CMKLR1: variants seen among roughly 807,000 people sequenced by gnomAD.
CMKLR1 encodes chemerin chemokine-like receptor 1.
Under a neutral mutation model 8.2 loss-of-function variants are expected in CMKLR1, and 6 were observed. The observed-to-expected ratio is 0.73, with a 90% CI of 0.40 to 1.44. The LOEUF is 1.44. Among genes scored for constraint, CMKLR1 ranks in the 40% most tolerant of loss-of-function variants. CMKLR1 has a pLI of 0.02. For missense variants in CMKLR1, 429 were observed against 478.0 expected (o/e 0.90, Z 0.96); for synonymous variants, 178 against 181.2 (o/e 0.98, Z 0.14).
chr12:108,298,754 G>C (rs1436324099), intron 2 of CMKLR1, among the ~76,000 whole-genome samples: 3 of 152,210 alleles, frequency 2.0e-5, no homozygotes, highest in African/African-American at 7.2e-5. Context: ...GAACCCAGGG[G>C]AAGCCCATTC....
chr12:108,311,627 T>TA (rs1239182413), intron 2 of CMKLR1, among the ~76,000 whole-genome samples: 1 of 151,728 alleles, frequency 6.6e-6, no homozygotes, highest in Non-Finnish European at 1.5e-5. Context: ...CTTTGCCTCC[T>TA]AAAAAGAAAA....
chr12:108,306,453 A>T (rs949419331), intron 2 of CMKLR1, among the ~76,000 whole-genome samples: 1 of 151,696 alleles, frequency 6.6e-6, no homozygotes, highest in Non-Finnish European at 1.5e-5. Flanking sequence ...GACTCTCCAC[A>T]CTTTCCCCTC....
intron 2 of CMKLR1, among the ~76,000 whole-genome samples, chr12:108,325,511 T>C (rs1375919095): frequency 2.6e-5 from 4 of 152,154 alleles, no homozygotes; most frequent in Admixed American, 6.5e-5. Context: ...TAGCTGGCTG[T>C]GGCAAATACC....
intron 2 of CMKLR1, among the ~76,000 whole-genome samples, chr12:108,310,177 G>C (rs1891514939): frequency 6.6e-6 from 1 of 151,606 alleles, no homozygotes; most frequent in Non-Finnish European, 1.5e-5. Flanking sequence ...GTGTGTGTGT[G>C]TGTGTGTGTG....
intron 2 of CMKLR1, among the ~76,000 whole-genome samples, chr12:108,305,451 G>A (rs141785431): frequency 6.6e-6 from 1 of 152,184 alleles, no homozygotes; most frequent in Non-Finnish European, 1.5e-5. Flanking sequence ...TCTCTCCTGA[G>A]CAGCATACCA....
intron 2 of CMKLR1, among the ~76,000 whole-genome samples, chr12:108,324,676 A>G (rs1891941414): frequency 6.6e-6 from 1 of 152,238 alleles, no homozygotes; most frequent in African/African-American, 2.4e-5. Context: ...AATTGTATGC[A>G]GTTTAAAAAT....
rs542019020 is a variant in CMKLR1, at chr12:108,290,717, T to G, written c.*1124A>C. 6.6e-6 allele frequency: 1 copy of G among 152,064 alleles called. No homozygotes were observed. The highest frequency in any genetic ancestry group is 1.5e-5 in the Non-Finnish European group (1 of 68,016). 9.4% of individuals were successfully genotyped at this position (152,064 alleles called of 1,614,324 possible). A position where few individuals can be genotyped will look rare whatever the true frequency, so the allele number is the denominator to read the frequency against. On this transcript the variant is annotated 3_prime_UTR_variant, in exon 4 of 4. Coordinates refer to ENST00000550402, the MANE Select transcript of CMKLR1 (RefSeq NM_001142343.2). ...ATGCCAGGCACCTGTATCCAGGAGG[T>G]ATTTGGTGTCTGCAGCTCAGAAACA...
intron 2 of CMKLR1, among the ~76,000 whole-genome samples, chr12:108,301,267 G>A (rs958339352): frequency 1.3e-5 from 2 of 151,852 alleles, no homozygotes; most frequent in East Asian, 3.9e-4. Flanking sequence ...AGTAGAGATG[G>A]AGTTTCACCA....
intron 2 of CMKLR1, among the ~76,000 whole-genome samples, chr12:108,295,938 C>T (rs920953984): frequency 5.3e-5 from 8 of 152,208 alleles, no homozygotes; most frequent in Non-Finnish European, 1.2e-4. Context: ...CAGAATGATG[C>T]TGACATCCTC....
chr12:108,313,279 C>A (rs576831233), intron 2 of CMKLR1, among the ~76,000 whole-genome samples: 1 of 151,778 alleles, frequency 6.6e-6, no homozygotes, highest in East Asian at 1.9e-4. Flanking sequence ...CCCCACCCCA[C>A]CTTCCATGGA....
intron 2 of CMKLR1, among the ~76,000 whole-genome samples, chr12:108,304,270 T>C (rs962282916): frequency 6.6e-6 from 1 of 152,118 alleles, no homozygotes; most frequent in African/African-American, 2.4e-5. Flanking sequence ...GAGTTCTCCT[T>C]GCCATTACCA....
chr12:108,297,330 C>A (rs1292597071), intron 2 of CMKLR1, among the ~76,000 whole-genome samples: 1 of 152,112 alleles, frequency 6.6e-6, no homozygotes, highest in African/African-American at 2.4e-5. Flanking sequence ...GAATATAATA[C>A]ATATAACATA....
At position 108,292,147 on chromosome 12, in the gene CMKLR1, G is replaced by A. The variant is rs181477871; in HGVS notation, c.816C>T (p.Cys272=). ...GGTTGAGTGTGTGGTAGGGGCACCA[G>A]CAGAGGAAGAAGGTAATGATGATGG... ...IVTIIITFFL[C]WCPYHTLNLL... The change falls in exon 4 of 4, where the codon TGC becomes TGT. Residue 272 remains cysteine (C), a synonymous_variant. Transcript: ENST00000550402. The A allele has an allele frequency of 4.6e-5, 74 of 1,614,210 alleles. No individual in the cohort carries two copies. The highest frequency in any genetic ancestry group is 6.0e-5 in the Non-Finnish European group (71 of 1,180,038).
intron 1 of CMKLR1, among the ~76,000 whole-genome samples, chr12:108,336,845 T>C (rs937177576): frequency 1.3e-5 from 2 of 152,240 alleles, no homozygotes; most frequent in Admixed American, 1.3e-4. Context: ...TAGCTAATGT[T>C]TATAGAGACC....
At chr12:108,294,064 C>T (rs1891062330) in intron 2 of CMKLR1, among the ~76,000 whole-genome samples, 1 of 152,224 alleles carries the variant, frequency 6.6e-6, no homozygotes, top group Admixed American at 6.5e-5. Context: ...GAAGTGTGAG[C>T]ACAGAGAAAA....
intron 2 of CMKLR1, among the ~76,000 whole-genome samples, chr12:108,310,163 CTG>C (rs35140046): frequency 0.091 from 12,864 of 141,908 alleles, 608 homozygotes; most frequent in African/African-American, 0.14. Flanking sequence ...TGGTTAGGGG[CTG>C]TGTGTGTGTG....
rs1367509958 is a variant in CMKLR1 at position 108,291,869 on chromosome 12, A to G, written c.1094T>C (p.Met365Thr). 2 of 1,613,790 alleles carry G rather than the reference A, an allele frequency of 1.2e-6. No individual in the cohort carries two copies. Among genetic ancestry groups the G allele is most frequent in the Non-Finnish European group, 1.7e-6 (2 of 1,179,898 alleles). The change falls in exon 4 of 4, where the codon ATG (methionine) becomes ACG (threonine). Residue 365 changes from methionine (M) to threonine (T), a missense_variant. Coordinates refer to ENST00000550402, the MANE Select transcript of CMKLR1 (RefSeq NM_001142343.2). Reference sequence around the variant, plus strand: ...AAGCATGCCGGTCTCCCTCTCATTCATAGAAGTCCTCTCATTCATTGATGA... The same window carrying G: ...AAGCATGCCGGTCTCCCTCTCATTCGTAGAAGTCCTCTCATTCATTGATGA... ...KMSSMNERTS[M>T]NERETGML is the part of the protein sequence containing the mutation.
intron 2 of CMKLR1, among the ~76,000 whole-genome samples, chr12:108,299,610 G>A (rs187365827): frequency 2.2e-4 from 33 of 152,236 alleles, no homozygotes; most frequent in African/African-American, 6.7e-4. Flanking sequence ...GAGATCATCC[G>A]GGATTAGAGT....
intron 2 of CMKLR1, among the ~76,000 whole-genome samples, chr12:108,297,899 T>C (rs1891178105): frequency 6.6e-6 from 1 of 152,212 alleles, no homozygotes; most frequent in Non-Finnish European, 1.5e-5. Context: ...CTGCAGTCAG[T>C]TACCACATGA....
Sources: gnomAD v4.1 joint callset for allele counts (sites outside exome capture counted in the v4.1 genomes callset) on GRCh38, gnomAD v4.1.1 for gene constraint, MANE v1.5 for transcripts, NCBI Gene and HGNC (gene_info 2026-07-23, HGNC 2026-07-21) for gene names.